The following TCF4 variants were observed in gnomAD, a reference collection of about 807,000 sequenced individuals.
TCF4 encodes SL3-3 enhancer factor 2.
In TCF4, 3 loss-of-function variants were observed where a neutral mutation model predicts 82.1. The ratio of observed to expected loss-of-function variants is 0.04; its 90% CI spans 0.02 to 0.09. The LOEUF is 0.09. Ranked by LOEUF, TCF4 falls within the 10% of genes least tolerant of loss-of-function variation. The probability of loss-of-function intolerance (pLI) is 1.00; values close to 1 mark genes in which losing one functional copy is unlikely to be tolerated. For missense variants in TCF4, 518 were observed against 852.7 expected, an observed-to-expected ratio of 0.61 and a Z score of 4.89; for synonymous variants, 276 against 309.6, an observed-to-expected ratio of 0.89 and a Z score of 1.14.
At chr18:55,495,186 G>A (rs2096620888) in intron 3 of TCF4, among the ~76,000 whole-genome samples, 1 of 151,702 alleles carries the variant, frequency 6.6e-6, no homozygotes, top group African/African-American at 2.4e-5. Context: ...TCAGTGTTTT[G>A]CACCAAGTGA....
intron 10 of TCF4, among the ~76,000 whole-genome samples, chr18:55,273,212 T>A (rs1280064062): frequency 6.6e-6 from 1 of 152,192 alleles, no homozygotes; most frequent in East Asian, 1.9e-4. Flanking sequence ...CAGTCGCTAC[T>A]GAAATATGTG....
At chr18:55,339,915 C>T (rs1030780362) in intron 8 of TCF4, among the ~76,000 whole-genome samples, 2 of 152,174 alleles carry the variant, frequency 1.3e-5, no homozygotes, top group African/African-American at 4.8e-5. Context: ...TATTCCTGCT[C>T]AGTGTAAGAA....
chr18:55,292,257 A>G (rs2065264249), intron 8 of TCF4, among the ~76,000 whole-genome samples: 1 of 152,334 alleles, frequency 6.6e-6, no homozygotes, highest in African/African-American at 2.4e-5. Context: ...TTTCTTTAAC[A>G]ATAAAAATTA....
intron 3 of TCF4, among the ~76,000 whole-genome samples, chr18:55,507,170 A>T (rs1241304980): frequency 1.3e-5 from 2 of 151,920 alleles, no homozygotes; most frequent in Non-Finnish European, 2.9e-5. Context: ...GCCTTTTCTT[A>T]AGTGGGGAAC....
intron 5 of TCF4, among the ~76,000 whole-genome samples, chr18:55,419,090 T>A (rs1379743503): frequency 6.6e-6 from 1 of 152,190 alleles, no homozygotes; most frequent in Non-Finnish European, 1.5e-5. Context: ...GGCTTTTAAG[T>A]ACAGTAATTG....
intron 15 of TCF4, among the ~76,000 whole-genome samples, chr18:55,253,036 G>A (rs2055710478): frequency 6.6e-6 from 1 of 152,282 alleles, no homozygotes; most frequent in East Asian, 1.9e-4. Flanking sequence ...TTTTAGGGCA[G>A]AGGTCAAGGG....
chr18:55,233,668 T>C (rs745912116), intron 16 of TCF4, among the ~76,000 whole-genome samples: 6 of 151,678 alleles, frequency 4.0e-5, no homozygotes, highest in Non-Finnish European at 7.4e-5. Flanking sequence ...ATACGAAAAA[T>C]AGCCAGGCAT....
At chr18:55,257,520 A>G (rs2057141378) in intron 13 of TCF4, 129 bp from the exon 14 acceptor site, 1 of 860,678 alleles carries the variant, frequency 1.2e-6, no homozygotes, top group Non-Finnish European at 1.9e-6. Flanking sequence ...ACGTAAATAC[A>G]TGTAAACTTC....
chr18:55,510,649 A>C, intron 3 of TCF4: 1 of 1,505,588 alleles, frequency 6.6e-7, no homozygotes, highest in Non-Finnish European at 8.8e-7. Flanking sequence ...TAAAATTCTA[A>C]AATACTACTT....
At chr18:55,546,228 A>T (rs573399494) in intron 3 of TCF4, among the ~76,000 whole-genome samples, 3 of 152,172 alleles carry the variant, frequency 2.0e-5, no homozygotes, top group African/African-American at 2.4e-5. Flanking sequence ...AGTCCCAGCG[A>T]CTCAGGAGGC....
rs115746585 is a variant in TCF4, at chr18:55,284,130, C to T, written c.550-4474G>A. ...ATGACCTTTTAAGAAAATAAAATAT[C>T]GGCCAGGAACGGTGGCTCATGCGTG... is the stretch of plus-strand genomic sequence containing the variant. On this transcript the variant is annotated intron_variant, in intron 8 of 19. Transcript: ENST00000354452. Among the ~76,000 whole-genome samples, 699 of 152,090 alleles carry T rather than the reference C, an allele frequency of 4.6e-3. 7 individuals are homozygous for T. The highest frequency in any genetic ancestry group is 0.016 in the African/African-American group (669 of 41,530).
At chr18:55,620,857 T>C (rs2097717198) in intron 2 of TCF4, among the ~76,000 whole-genome samples, 1 of 151,692 alleles carries the variant, frequency 6.6e-6, no homozygotes, top group African/African-American at 2.4e-5. Flanking sequence ...ATACTCTTCA[T>C]CTTGGTTGGG....
chr18:55,283,730 T>C (rs1568685117), intron 8 of TCF4, among the ~76,000 whole-genome samples: 1 of 152,158 alleles, frequency 6.6e-6, no homozygotes, highest in Non-Finnish European at 1.5e-5. Context: ...GCTTGTAAAG[T>C]GGAAATGACA....
At chr18:55,452,754 C>T (rs1199177191) in intron 5 of TCF4, 1 of 152,236 alleles carries the variant, frequency 6.6e-6, no homozygotes, top group African/African-American at 2.4e-5. Context: ...TGCTCAAGGG[C>T]TTAGGACAAT....
intron 8 of TCF4, among the ~76,000 whole-genome samples, chr18:55,323,126 G>A (rs191805119): frequency 6.6e-6 from 1 of 152,070 alleles, no homozygotes; most frequent in African/African-American, 2.4e-5. Context: ...AAGGCGGGGG[G>A]AGGTACAAAA....
intron 5 of TCF4, among the ~76,000 whole-genome samples, chr18:55,426,749 A>AGTAAG (rs2095001371): frequency 6.6e-6 from 1 of 151,590 alleles, no homozygotes; most frequent in African/African-American, 2.4e-5. Flanking sequence ...GTATGCACAA[A>AGTAAG]TTAAACACTA....
chr18:55,514,532 TGGTAACA>T (rs905208879), intron 3 of TCF4, among the ~76,000 whole-genome samples: 2 of 151,652 alleles, frequency 1.3e-5, no homozygotes, highest in Non-Finnish European at 2.9e-5. Flanking sequence ...GATGTAAACG[TGGTAACA>T]GTTAATTCAA....
At chr18:55,370,810 A>T (rs1335441132) in intron 6 of TCF4, among the ~76,000 whole-genome samples, 1 of 152,228 alleles carries the variant, frequency 6.6e-6, no homozygotes, top group African/African-American at 2.4e-5. Flanking sequence ...CGAAAATATT[A>T]ACTAAGAGCC....
At chr18:55,597,338 T>C (rs2097692053) in intron 2 of TCF4, among the ~76,000 whole-genome samples, 1 of 152,170 alleles carries the variant, frequency 6.6e-6, no homozygotes, top group South Asian at 2.1e-4. Flanking sequence ...ATCTTTGCAT[T>C]CTATTTCTTC....
Sources: gnomAD v4.1 joint callset for allele counts (sites outside exome capture counted in the v4.1 genomes callset) on GRCh38, gnomAD v4.1.1 for gene constraint, MANE v1.5 for transcripts, NCBI Gene and HGNC (gene_info 2026-07-23, HGNC 2026-07-21) for gene names.